Variants in FHIT observed in about 807,000 individuals in gnomAD.
FHIT encodes bis(5'-adenosyl)-triphosphatase.
Under a neutral mutation model 17.9 loss-of-function variants are expected in FHIT, and 19 were observed. That is an observed-to-expected ratio of 1.06 (90% CI 0.74 to 1.56). FHIT has a LOEUF of 1.56. Among genes scored for constraint, FHIT ranks in the 40% most tolerant of loss-of-function variants. The pLI, the probability that FHIT is intolerant of heterozygous loss-of-function variation, is 0.00. For synonymous variants in FHIT, 81 were observed against 69.7 expected, an observed-to-expected ratio of 1.16 and a Z score of -0.81; for missense variants, 248 against 189.2, an observed-to-expected ratio of 1.31 and a Z score of -1.82.
At chr3:61,136,052 G>A (rs911036674) in intron 2 of FHIT, among the ~76,000 whole-genome samples, 6 of 151,972 alleles carry the variant, frequency 3.9e-5, no homozygotes, top group Admixed American at 2.6e-4. Context: ...GCCAACCATC[G>A]CTATTTTCTT....
intron 5 of FHIT, among the ~76,000 whole-genome samples, chr3:60,270,730 G>A (rs891859579): frequency 2.6e-5 from 4 of 152,192 alleles, no homozygotes; most frequent in Admixed American, 6.5e-5. Context: ...AGATTAGTTC[G>A]GCTTTGGCCA....
chr3:59,932,166 C>T lies in FHIT; in HGVS notation c.280-9752G>A, dbSNP rs78024905. Reference sequence around the variant, plus strand: ...TGCATCCATTTTGCCAATCAATTTCCCCCATCTTCCACACTGCAAGCCTGA... The same window carrying T: ...TGCATCCATTTTGCCAATCAATTTCTCCCATCTTCCACACTGCAAGCCTGA... On this transcript the variant is annotated intron_variant, in intron 7 of 9. Coordinates refer to ENST00000492590, the MANE Select transcript of FHIT (RefSeq NM_002012.4). Among the ~76,000 whole-genome samples the T allele has an allele frequency of 1.3e-3, 198 of 152,246 alleles. 2 individuals are homozygous for T. In the East Asian group the frequency reaches 0.037, roughly 28 times the overall value.
At chr3:60,098,927 G>A (rs748876535) in intron 5 of FHIT, among the ~76,000 whole-genome samples, 28 of 152,128 alleles carry the variant, frequency 1.8e-4, no homozygotes, top group Non-Finnish European at 3.5e-4. Flanking sequence ...AGGGTCAGTT[G>A]TATTCTGTTA....
chr3:59,751,401 TG>T (rs1414983261), intron 9 of FHIT: 47 of 190,512 alleles, frequency 2.5e-4, no homozygotes, highest in Admixed American at 2.4e-3. Flanking sequence ...CCACTGTACC[TG>T]GCCTTCTTTA....
intron 3 of FHIT, among the ~76,000 whole-genome samples, chr3:60,988,811 C>T (rs981947393): frequency 3.3e-5 from 5 of 151,554 alleles, no homozygotes; most frequent in African/African-American, 1.2e-4. Flanking sequence ...GAGGAGGCTG[C>T]TCTTTATAGA....
chr3:60,721,692 T>C (rs2041813005), intron 4 of FHIT, among the ~76,000 whole-genome samples: 1 of 152,130 alleles, frequency 6.6e-6, no homozygotes, highest in African/African-American at 2.4e-5. Context: ...ACTGGCATAG[T>C]CCTCCCCGAA....
At chr3:60,447,518 A>G (rs914895818) in intron 5 of FHIT, among the ~76,000 whole-genome samples, 6 of 152,176 alleles carry the variant, frequency 3.9e-5, no homozygotes, top group African/African-American at 9.7e-5. Context: ...TATATCAAGC[A>G]ATTTTTGTAA....
intron 5 of FHIT, among the ~76,000 whole-genome samples, chr3:60,392,094 C>CATAG (rs1559877623): frequency 6.6e-6 from 1 of 152,128 alleles, no homozygotes; most frequent in East Asian, 1.9e-4. Context: ...AAATCCTATG[C>CATAG]ATAGATTTCA....
At chr3:61,091,505 C>T (rs2035480574) in intron 2 of FHIT, among the ~76,000 whole-genome samples, 2 of 152,182 alleles carry the variant, frequency 1.3e-5, no homozygotes, top group Admixed American at 1.3e-4. Context: ...ATCATCACCA[C>T]TATTAACATC....
intron 5 of FHIT, among the ~76,000 whole-genome samples, chr3:60,369,909 C>T (rs1700254771): frequency 6.6e-6 from 1 of 152,140 alleles, no homozygotes; most frequent in African/African-American, 2.4e-5. Flanking sequence ...ACAAGTTCAA[C>T]AGTATTTTAC....
chr3:60,300,106 G>C (rs1708388538), intron 5 of FHIT, among the ~76,000 whole-genome samples: 1 of 151,936 alleles, frequency 6.6e-6, no homozygotes, highest in Non-Finnish European at 1.5e-5. Flanking sequence ...TGTGTCTCCA[G>C]GTCTCTAGCT....
chr3:61,112,708 G>A (rs908511308), intron 2 of FHIT, among the ~76,000 whole-genome samples: 3 of 152,088 alleles, frequency 2.0e-5, no homozygotes, highest in South Asian at 2.1e-4. Context: ...TATGCATAGC[G>A]CTTTATATTC....
intron 4 of FHIT, among the ~76,000 whole-genome samples, chr3:60,567,542 A>G (rs1169404885): frequency 1.3e-5 from 2 of 152,184 alleles, no homozygotes; most frequent in Non-Finnish European, 2.9e-5. Context: ...GGACATAAGT[A>G]TGGGCAAGGA....
At chr3:61,059,592 T>C (rs17064396) in intron 2 of FHIT, among the ~76,000 whole-genome samples, 7,682 of 152,194 alleles carry the variant, frequency 0.05, 633 homozygotes, top group African/African-American at 0.17. Flanking sequence ...TAGGAGGAAA[T>C]GGAGACCTTA....
At chr3:59,821,722 T>C in intron 8 of FHIT, among the ~76,000 whole-genome samples, 1 of 152,174 alleles carries the variant, frequency 6.6e-6, no homozygotes, top group East Asian at 1.9e-4. Flanking sequence ...TTACAACTGT[T>C]TCCTTCTGCT....
Position 59,869,544 on chromosome 3 carries a change from C to T in FHIT, c.348+52802G>A, listed in dbSNP as rs371344426. The stretch of plus-strand genomic sequence containing the variant: ...TCGCCCAGGCTGGAGTGCAGTGGAG[C>T]GATCTCGGCATACTGTAAGCTCTGC... On this transcript the variant is annotated intron_variant, in intron 8 of 9. Transcript: ENST00000492590. 3.2e-3 allele frequency among the ~76,000 whole-genome samples: 426 copies of T among 133,710 alleles called. 2 individuals carry two copies. The highest frequency in any genetic ancestry group is 6.3e-3 in the African/African-American group (213 of 33,836). The allele number at this position is 133,710 out of a possible 152,430, so 87.7% of individuals were successfully genotyped here.
chr3:60,645,878 C>G (rs932506256), intron 4 of FHIT, among the ~76,000 whole-genome samples: 1 of 151,954 alleles, frequency 6.6e-6, no homozygotes, highest in Non-Finnish European at 1.5e-5. Flanking sequence ...GACTTCACAA[C>G]CAAAAGCTTA....
rs548994096 is a variant in FHIT at position 60,668,025 on chromosome 3, G to A, written c.-17-131046C>T. On this transcript the variant is annotated intron_variant, in intron 4 of 9. Coordinates refer to ENST00000492590, the MANE Select transcript of FHIT (RefSeq NM_002012.4). ...TTTGGGCAGGGAAGGAGAGTCTCAG[G>A]CATGTGAGAACAAAGAGGCTTCCTA... 1.9e-4 allele frequency among the ~76,000 whole-genome samples: 29 copies of A among 152,084 alleles called. No individual in the cohort carries two copies. The South Asian group carries it at 4.8e-3, about 25-fold the overall frequency.
chr3:60,792,238 C>T (rs573265745), intron 4 of FHIT, among the ~76,000 whole-genome samples: 15 of 152,292 alleles, frequency 9.8e-5, no homozygotes, highest in South Asian at 2.1e-4. Flanking sequence ...GAAAACACTC[C>T]GCTATTGATG....
Sources: allele counts gnomAD v4.1 joint callset (sites outside exome capture counted in the v4.1 genomes callset), GRCh38; gene constraint gnomAD v4.1.1; transcripts MANE v1.5; gene names NCBI Gene and HGNC (gene_info 2026-07-23, HGNC 2026-07-21).